Variants in WDR31 observed in about 807,000 individuals in gnomAD.
The protein encoded by WDR31 is WD repeat domain 31, also known as WD repeat-containing protein 31.
Under a neutral mutation model 47.3 loss-of-function variants are expected in WDR31, and 30 were observed. The observed-to-expected ratio is 0.63, with a 90% CI of 0.47 to 0.86. The LOEUF (loss-of-function observed/expected upper bound fraction) is 0.86. Among genes scored for constraint, WDR31 ranks in the 40% least tolerant of loss-of-function variants. The pLI, the probability that WDR31 is intolerant of heterozygous loss-of-function variation, is 0.00. For synonymous variants in WDR31, 137 were observed against 159.4 expected (o/e 0.86, Z 1.06); for missense variants, 406 against 442.9 (o/e 0.92, Z 0.75).
At chr9:113,330,261 C>A (rs1833568076) in intron 4 of WDR31, among the ~76,000 whole-genome samples, 1 of 151,990 alleles carries the variant, frequency 6.6e-6, no homozygotes, top group Non-Finnish European at 1.5e-5. Context: ...CCATCATGCC[C>A]AGCTAATTTT....
In WDR31 at chr9:113,315,397, C is replaced by G. The variant is rs1450853651; in HGVS notation, c.*1352G>C. The G allele has an allele frequency of 1.3e-5, 2 of 152,090 alleles. No individual in the cohort carries two copies. The allele number at this position is 152,090 out of a possible 1,614,324, so 9.4% of individuals were successfully genotyped here. A position where few individuals can be genotyped will look rare whatever the true frequency, so the allele number is the denominator to read the frequency against. On this transcript the variant is annotated 3_prime_UTR_variant, in exon 11 of 11. Transcript: ENST00000374193. ...AGGACAGAGAAGACAAATGCAAAAT[C>G]TTTCTTTGGCTGGGACTTGTCAGAA...
At chr9:113,329,911 G>A (rs1833557700) in intron 4 of WDR31, among the ~76,000 whole-genome samples, 1 of 151,954 alleles carries the variant, frequency 6.6e-6, no homozygotes, top group Non-Finnish European at 1.5e-5. Context: ...AACCCAGGAG[G>A]CGGAGGTTGT....
At position 113,322,874 on chromosome 9, in the gene WDR31, G is replaced by A. The variant is rs1180103243; in HGVS notation, c.507C>T (p.Thr169=). The A allele has an allele frequency of 3.1e-6, 5 of 1,614,050 alleles. No homozygotes were observed. Among genetic ancestry groups the A allele is most frequent in the Non-Finnish European group, 4.2e-6 (5 of 1,180,032 alleles). ...CTGTCACCACATCCCACAGAAGCAG[G>A]GTGTTGTCCCGAGAGCCAGTGCACA... is the stretch of plus-strand genomic sequence containing the variant. ...SQLCTGSRDN[T]LLLWDVVTGQ... is the part of the protein sequence containing the mutation. Residue 169 remains threonine (T), a synonymous_variant, in exon 7 of 11, where the codon ACC becomes ACT. Transcript: ENST00000374193.
intron 9 of WDR31, among the ~76,000 whole-genome samples, chr9:113,319,163 A>C (rs530596461): frequency 6.6e-6 from 1 of 152,348 alleles, no homozygotes; most frequent in East Asian, 1.9e-4. Context: ...TAGCGTCTAC[A>C]AGAGGGAAGT....
intron 8 of WDR31, 106 bp downstream of exon 8, chr9:113,321,405 G>C: frequency 8.6e-7 from 1 of 1,159,824 alleles, no homozygotes; most frequent in South Asian, 1.4e-5. Context: ...AGAAGGCTCT[G>C]GGAAGGGCAG....
chr9:113,329,032 T>G, intron 4 of WDR31, 77 bp from the exon 5 acceptor site: 1 of 1,321,280 alleles, frequency 7.6e-7, no homozygotes, highest in South Asian at 1.2e-5. Context: ...ATTCTCACCT[T>G]ACTTTCTCCC....
At chr9:113,320,752 T>A (rs905622265) in intron 8 of WDR31, among the ~76,000 whole-genome samples, 1 of 152,254 alleles carries the variant, frequency 6.6e-6, no homozygotes, top group African/African-American at 2.4e-5. Flanking sequence ...AGACCAAGCA[T>A]CTTAATTGTA....
chr9:113,329,053 C>G, intron 4 of WDR31, 98 bp from the exon 5 acceptor site: 1 of 1,137,384 alleles, frequency 8.8e-7, no homozygotes, highest in Non-Finnish European at 1.3e-6. Flanking sequence ...TCCTCACTCA[C>G]TCCCTCTCTG....
chr9:113,335,028 A>G (rs1266152230), intron 2 of WDR31, among the ~76,000 whole-genome samples: 1 of 152,190 alleles, frequency 6.6e-6, no homozygotes, highest in African/African-American at 2.4e-5. Context: ...CTGAGACCAA[A>G]AAGTTTGAGA....
chr9:113,325,780 C>A (rs977571906), intron 5 of WDR31, among the ~76,000 whole-genome samples: 1 of 151,930 alleles, frequency 6.6e-6, no homozygotes, highest in Admixed American at 6.6e-5. Flanking sequence ...CTTCTCATAG[C>A]CCTCGTTTTG....
chr9:113,331,833 G>C, intron 3 of WDR31, 74 bp downstream of exon 3: 1 of 1,396,432 alleles, frequency 7.2e-7, no homozygotes, highest in Non-Finnish European at 1.0e-6. Context: ...TTCGCCCTGG[G>C]CCTTCTCTTT....
Position 113,330,974 on chromosome 9 carries a change from C to A in WDR31, c.249+10G>T. 6.3e-7 allele frequency: 1 copy of A among 1,593,974 alleles called. No homozygotes were observed. The highest frequency in any genetic ancestry group is 1.1e-5 in the South Asian group (1 of 88,428). On this transcript the variant is annotated intron_variant, in intron 4 of 10. Coordinates refer to ENST00000374193, the MANE Select transcript of WDR31 (RefSeq NM_001012361.4). ...AAAGTTCATTTCCCGGGAAACACTG[C>A]AAACCCCACCTTATCTTTCCCTCCA... is the stretch of plus-strand genomic sequence containing the variant.
intron 1 of WDR31, among the ~76,000 whole-genome samples, chr9:113,337,229 T>G (rs1833733233): frequency 6.6e-6 from 1 of 152,180 alleles, no homozygotes; most frequent in South Asian, 2.1e-4. Flanking sequence ...TAAAATAGGA[T>G]AATAACTCTA....
intron 7 of WDR31, among the ~76,000 whole-genome samples, chr9:113,322,576 A>T (rs552358918): frequency 4.5e-4 from 68 of 152,290 alleles, no homozygotes; most frequent in Admixed American, 2.1e-3. Flanking sequence ...AATAATGAAG[A>T]CACCATTTTA....
At chr9:113,321,608 C>T in intron 7 of WDR31, 30 bp from the exon 8 acceptor site, 1 of 1,600,468 alleles carries the variant, frequency 6.2e-7, no homozygotes. Flanking sequence ...CAGAACTTCT[C>T]CACACCAAGT....
chr9:113,339,350 A>C (rs1434644631), intron 1 of WDR31, among the ~76,000 whole-genome samples: 6 of 152,006 alleles, frequency 3.9e-5, no homozygotes. Context: ...ACTGGACCTT[A>C]TTTCCCTGGT....
chr9:113,316,814 C>T lies in WDR31; in HGVS notation c.1039G>A (p.Gly347Arg), dbSNP rs765680364. Reference sequence around the variant, plus strand: ...TGGTCCATTCTGAGTAAGTGAATTCCTCTGTTAAAACTTGCACACAATAAG... The same window carrying T: ...TGGTCCATTCTGAGTAAGTGAATTCTTCTGTTAAAACTTGCACACAATAAG... ...ISLLCASFNR[G>R]IHLLRMDHSQ... The change falls in exon 11 of 11, where the codon GGA becomes AGA. Residue 347 changes from glycine (G) to arginine (R), a missense_variant. By Grantham distance (125) the Gly-to-Arg change is moderately radical. Coordinates refer to ENST00000374193, the MANE Select transcript of WDR31 (RefSeq NM_001012361.4). 1.1e-5 allele frequency: 18 copies of T among 1,614,016 alleles called. No individual in the cohort carries two copies. The highest frequency in any genetic ancestry group is 1.4e-5 in the Non-Finnish European group (17 of 1,180,040).
In WDR31 at chr9:113,332,006, C is replaced by T; in HGVS notation, c.17G>A (p.Cys6Tyr). 2 of 1,613,914 alleles carry T rather than the reference C, an allele frequency of 1.2e-6. No individual in the cohort carries two copies. The highest frequency in any genetic ancestry group is 2.2e-5 in the East Asian group (1 of 44,880). ...CTGTGGAGGAGCTTGTTTCAGTTGG[C>T]ACCTGAGTAGCAGCATCCCTTGTGG... MLLLR[C>Y]QLKQAPPQKV... Residue 6 changes from cysteine to tyrosine, a missense_variant, in exon 3 of 11, where the codon TGC becomes TAC. Cys to Tyr is a radical substitution (Grantham distance 194). Coordinates refer to ENST00000374193, the MANE Select transcript of WDR31 (RefSeq NM_001012361.4).
intron 1 of WDR31, among the ~76,000 whole-genome samples, chr9:113,338,559 A>G (rs1376798891): frequency 6.6e-6 from 1 of 151,990 alleles, no homozygotes; most frequent in Non-Finnish European, 1.5e-5. Context: ...AGGCAAATAA[A>G]TACCTGTTGA....
Sources: gnomAD v4.1 joint callset for allele counts (sites outside exome capture counted in the v4.1 genomes callset) on GRCh38, gnomAD v4.1.1 for gene constraint, MANE v1.5 for transcripts, NCBI Gene and HGNC (gene_info 2026-07-23, HGNC 2026-07-21) for gene names.